The following NCOA2 variants were observed in gnomAD, a reference collection of about 807,000 sequenced individuals.
NCOA2 encodes nuclear receptor coactivator 2.
Under a neutral mutation model 145.1 loss-of-function variants are expected in NCOA2, and 21 were observed. The ratio of observed to expected loss-of-function variants is 0.14; its 90% confidence interval spans 0.10 to 0.21. NCOA2 has a LOEUF of 0.21. Among genes scored for constraint, NCOA2 ranks in the 10% least tolerant of loss-of-function variants. The probability of loss-of-function intolerance (pLI) is 1.00; values close to 1 mark genes in which losing one functional copy is unlikely to be tolerated. For synonymous variants in NCOA2, 619 were observed against 637.5 expected (o/e 0.97, Z 0.44); for missense variants, 1,472 against 1,837.6 (o/e 0.80, Z 3.64).
intron 15 of NCOA2, among the ~76,000 whole-genome samples, chr8:70,136,272 G>C (rs1406117247): frequency 2.0e-5 from 3 of 152,120 alleles, no homozygotes; most frequent in Non-Finnish European, 4.4e-5. Flanking sequence ...TGAGGCAGGA[G>C]AATCACTTGA....
At chr8:70,249,199 A>T (rs1450360269) in intron 2 of NCOA2, among the ~76,000 whole-genome samples, 1 of 152,142 alleles carries the variant, frequency 6.6e-6, no homozygotes, top group Non-Finnish European at 1.5e-5. Flanking sequence ...TCAGCATTAG[A>T]GCACTGACAT....
At chr8:70,442,174 ACT>A in the NCOA2 span, among the ~76,000 whole-genome samples, 4 of 151,378 alleles carry the variant, frequency 2.6e-5, no homozygotes, top group African/African-American at 9.7e-5. Context: ...AGAAAGGCTG[ACT>A]CTCAGGTCTT....
chr8:70,199,382 T>C (rs1034788968), intron 4 of NCOA2, among the ~76,000 whole-genome samples: 6 of 136,182 alleles, frequency 4.4e-5, no homozygotes, highest in Admixed American at 8.1e-5. Context: ...ACCCAGGAGG[T>C]GGAGGTTGCA....
the NCOA2 span, among the ~76,000 whole-genome samples, chr8:70,422,700 G>T: frequency 3.3e-5 from 5 of 152,000 alleles, no homozygotes; most frequent in Admixed American, 6.6e-5. Flanking sequence ...ACTGAGCCTG[G>T]CCAAAATGCT....
At chr8:70,128,381 A>C in intron 18 of NCOA2, 52 bp downstream of exon 18, 1 of 1,491,464 alleles carries the variant, frequency 6.7e-7, no homozygotes, top group East Asian at 2.3e-5. Flanking sequence ...AAGAAATGAC[A>C]AAAGCAGCTG....
intron 1 of NCOA2, among the ~76,000 whole-genome samples, chr8:70,354,057 C>T (rs1477445523): frequency 6.6e-6 from 1 of 152,142 alleles, no homozygotes; most frequent in African/African-American, 2.4e-5. Context: ...AAAGGAACTA[C>T]TCTCTTTATT....
the NCOA2 span, among the ~76,000 whole-genome samples, chr8:70,441,419 CAA>C: frequency 8.0e-5 from 8 of 100,614 alleles, no homozygotes; most frequent in East Asian, 7.9e-4. Flanking sequence ...AGAAAGAAAA[CAA>C]AGAGGGAGAA....
the NCOA2 span, among the ~76,000 whole-genome samples, chr8:70,437,797 T>A: frequency 6.6e-6 from 1 of 152,198 alleles, no homozygotes; most frequent in Non-Finnish European, 1.5e-5. Context: ...GTAATCATGA[T>A]TAGTTTGACA....
At chr8:70,435,649 C>T in the NCOA2 span, among the ~76,000 whole-genome samples, 1 of 150,928 alleles carries the variant, frequency 6.6e-6, no homozygotes, top group African/African-American at 2.4e-5. Context: ...AAATACCTAG[C>T]AAGCCTAACA....
chr8:70,408,292 A>G (rs1404577043), upstream of NCOA2, among the ~76,000 whole-genome samples: 1 of 152,254 alleles, frequency 6.6e-6, no homozygotes, highest in Non-Finnish European at 1.5e-5. Context: ...AAAAGAATCC[A>G]TGAACTACTA....
chr8:70,214,204 T>A lies in NCOA2; in HGVS notation c.87-129A>T, dbSNP rs562772767. The A allele has an allele frequency of 3.3e-6, 3 of 898,058 alleles. No individual in the cohort carries two copies. In the African/African-American group the frequency reaches 5.0e-5, roughly 15 times the overall value. The allele number at this position is 898,058 out of a possible 1,614,324, so 55.6% of individuals were successfully genotyped here. ...ACCTATATAAACACAGAAATACTTT[T>A]GGGGGAAAAACACAATTTTCCAAAA... On this transcript the variant is annotated intron_variant, in intron 3 of 22. Coordinates refer to ENST00000452400, the MANE Select transcript of NCOA2 (RefSeq NM_006540.4).
chr8:70,179,361 T>C (rs1815221574), intron 4 of NCOA2, among the ~76,000 whole-genome samples: 1 of 152,184 alleles, frequency 6.6e-6, no homozygotes, highest in South Asian at 2.1e-4. Flanking sequence ...GTACTTTTCA[T>C]GAAGTAATTA....
chr8:70,442,138 A>AGAAAGAAAGAAAGAAAGAAAGAAG, the NCOA2 span, among the ~76,000 whole-genome samples: 2 of 124,276 alleles, frequency 1.6e-5, no homozygotes, highest in African/African-American at 8.3e-5. Context: ...AAAGAAAGAA[A>AGAAAGAAAGAAAGAAAGAAAGAAG]GAAAGAAAGA....
chr8:70,138,377 G>A, intron 14 of NCOA2, 45 bp from the exon 15 acceptor site: 1 of 1,533,854 alleles, frequency 6.5e-7, no homozygotes. Flanking sequence ...AATCAAGGAA[G>A]CATTTATTTC....
At chr8:70,177,199 G>C (rs184287190) in intron 4 of NCOA2, among the ~76,000 whole-genome samples, 5 of 152,158 alleles carry the variant, frequency 3.3e-5, no homozygotes, top group African/African-American at 1.2e-4. Context: ...CCTCCCTGGA[G>C]GGGGGTCTAT....
chr8:70,136,626 T>C (rs1197639396), intron 15 of NCOA2, among the ~76,000 whole-genome samples: 1 of 151,892 alleles, frequency 6.6e-6, no homozygotes, highest in Non-Finnish European at 1.5e-5. Flanking sequence ...TATGTGAATG[T>C]TACAGATTTA....
At chr8:70,165,666 G>A (rs1813528037) in intron 7 of NCOA2, among the ~76,000 whole-genome samples, 1 of 152,106 alleles carries the variant, frequency 6.6e-6, no homozygotes, top group Non-Finnish European at 1.5e-5. Flanking sequence ...TAAGCTTAGA[G>A]TCTAAAACCC....
the NCOA2 span, among the ~76,000 whole-genome samples, chr8:70,431,207 A>T: frequency 6.6e-6 from 1 of 151,906 alleles, no homozygotes; most frequent in Admixed American, 6.6e-5. Context: ...AAATTAAATA[A>T]ATATTTTATT....
At chr8:70,392,495 C>T (rs1163942186) in intron 1 of NCOA2, among the ~76,000 whole-genome samples, 2 of 152,138 alleles carry the variant, frequency 1.3e-5, no homozygotes, top group Admixed American at 6.5e-5. Context: ...AGTGTTGCCA[C>T]AAGTATATAT....
Sources: gnomAD v4.1 joint callset for allele counts (sites outside exome capture counted in the v4.1 genomes callset) on GRCh38, gnomAD v4.1.1 for gene constraint, MANE v1.5 for transcripts, NCBI Gene and HGNC (gene_info 2026-07-23, HGNC 2026-07-21) for gene names.